Variants in TMEM62 observed in about 807,000 individuals in gnomAD.
TMEM62 encodes the protein transmembrane protein 62.
TMEM62 carries 41 observed loss-of-function variants against 70.4 expected under a neutral mutation model. The observed-to-expected ratio is 0.58, with a 90% CI of 0.45 to 0.76. The LOEUF (loss-of-function observed/expected upper bound fraction) is 0.76, where lower values mean the gene tolerates loss of function less well. Among genes scored for constraint, TMEM62 ranks in the 30% least tolerant of loss-of-function variants. The probability of loss-of-function intolerance (pLI) is 0.00; values close to 1 mark genes in which losing one functional copy is unlikely to be tolerated. For missense variants in TMEM62, 688 were observed against 788.5 expected (o/e 0.87, Z 1.53); for synonymous variants, 268 against 291.0 (o/e 0.92, Z 0.80).
chr15:43,158,688 GA>G (rs575477578), intron 9 of TMEM62, among the ~76,000 whole-genome samples: 99 of 152,088 alleles, frequency 6.5e-4, no homozygotes, highest in African/African-American at 2.3e-3. Flanking sequence ...GTCCTATGAA[GA>G]AAAAAATTAT....
intron 11 of TMEM62, chr15:43,169,901 A>G (rs2040007228): frequency 2.4e-6 from 1 of 421,106 alleles, no homozygotes; most frequent in African/African-American, 2.0e-5. Flanking sequence ...ATAAAGCAAT[A>G]CATGGAAGGT....
intron 10 of TMEM62, among the ~76,000 whole-genome samples, chr15:43,165,411 T>A (rs1046944330): frequency 1.3e-5 from 2 of 152,326 alleles, no homozygotes; most frequent in African/African-American, 2.4e-5. Flanking sequence ...TTTGATTTTT[T>A]AAAATTATTG....
chr15:43,152,234 C>T (rs760185986), intron 8 of TMEM62, among the ~76,000 whole-genome samples: 60 of 152,050 alleles, frequency 3.9e-4, no homozygotes, highest in Non-Finnish European at 6.6e-4. Flanking sequence ...TTTTACATTG[C>T]TATAAGCATA....
rs185280287 is a variant in TMEM62 at position 43,166,561 on chromosome 15, T to C, written c.1297-3032T>C. Among the ~76,000 whole-genome samples, 1,374 of 151,920 alleles carry C rather than the reference T, an allele frequency of 9.0e-3. 23 individuals are homozygous for C. Among genetic ancestry groups the C allele is most frequent in the African/African-American group, 0.031 (1,291 of 41,436 alleles). On this transcript the variant is annotated intron_variant, in intron 10 of 13. Coordinates refer to ENST00000260403, the MANE Select transcript of TMEM62 (RefSeq NM_024956.4). ...CTTGTTCTCCTTGAGGTTTTTCTTT[T>C]TTTTTTTTTTTTTATTGATCATTCT...
chr15:43,179,120 C>T (rs968872578), intron 12 of TMEM62, among the ~76,000 whole-genome samples: 2 of 152,058 alleles, frequency 1.3e-5, no homozygotes, highest in African/African-American at 2.4e-5. Flanking sequence ...CACTGGTAGG[C>T]GGGTACGGTG....
intron 10 of TMEM62, among the ~76,000 whole-genome samples, chr15:43,163,847 C>G (rs1049313684): frequency 1.3e-5 from 2 of 152,028 alleles, no homozygotes; most frequent in African/African-American, 2.4e-5. Flanking sequence ...GACTGAGATT[C>G]TGCATTCCTA....
At chr15:43,178,484 T>C (rs112447918) in intron 11 of TMEM62, 123 bp from the exon 12 acceptor site, 11 of 615,608 alleles carry the variant, frequency 1.8e-5, no homozygotes, top group African/African-American at 5.6e-5. Context: ...TCTGTATAGT[T>C]ACCATCTAAC....
At chr15:43,163,086 G>A (rs1174397419) in intron 10 of TMEM62, among the ~76,000 whole-genome samples, 1 of 150,820 alleles carries the variant, frequency 6.6e-6, no homozygotes, top group African/African-American at 2.4e-5. Flanking sequence ...TATTTTTTTA[G>A]TTTTTAATAT....
At chr15:43,139,213 T>G (rs922491666) in intron 4 of TMEM62, among the ~76,000 whole-genome samples, 4 of 152,218 alleles carry the variant, frequency 2.6e-5, no homozygotes, top group African/African-American at 9.6e-5. Context: ...GTTACTATTG[T>G]AATTGTTTTG....
chr15:43,168,017 G>C (rs969585775), intron 10 of TMEM62, among the ~76,000 whole-genome samples: 7 of 150,348 alleles, frequency 4.7e-5, no homozygotes, highest in African/African-American at 1.8e-4. Context: ...GCAGGCACTC[G>C]GCAGGCTGAG....
Position 43,160,873 on chromosome 15 carries a change from A to G in TMEM62, c.1296+79A>G, listed in dbSNP as rs1596295136. The G allele has an allele frequency of 7.2e-6, 5 of 699,054 alleles. No individual in the cohort carries two copies. The Admixed American group carries it at 1.1e-4, about 16-fold the overall frequency. 43.3% of individuals were successfully genotyped at this position (699,054 alleles called of 1,614,324 possible). A position where few individuals can be genotyped will look rare whatever the true frequency, so the allele number is the denominator to read the frequency against. On this transcript the variant is annotated intron_variant, in intron 10 of 13. Coordinates refer to ENST00000260403, the MANE Select transcript of TMEM62 (RefSeq NM_024956.4). ...ATACAGTAGTCCTCCCTTATCCATG[A>G]TTTCACTTTCCATGGTTTCAGTTAC...
Position 43,148,762 on chromosome 15 carries a change from T to A in TMEM62, c.626T>A (p.Met209Lys), listed in dbSNP as rs1567192283. 1 of 1,613,074 alleles carries A rather than the reference T, an allele frequency of 6.2e-7. No individual in the cohort carries two copies. The highest frequency in any genetic ancestry group is 1.1e-5 in the South Asian group (1 of 90,754). Reference protein sequence around the residue: ...NFFGILDKKKMEELLLLAKES... With the variant: ...NFFGILDKKKKEELLLLAKES... ...ATTTTTCTCCCATCTCAGAAAAAGA[T>A]GGAGGAGCTCTTATTACTGGCCAAG... is the stretch of plus-strand genomic sequence containing the variant. The change falls in exon 6 of 14, where the codon ATG becomes AAG. Residue 209 changes from methionine (M) to lysine (K), a missense_variant. Transcript: ENST00000260403.
chr15:43,169,768 A>G lies in TMEM62; in HGVS notation c.1381+91A>G, dbSNP rs796402379. 6 of 1,077,012 alleles carry G rather than the reference A, an allele frequency of 5.6e-6. No homozygotes were observed. In the African/African-American group the frequency reaches 6.3e-5, roughly 11 times the overall value. 66.7% of individuals were successfully genotyped at this position (1,077,012 alleles called of 1,614,324 possible). On this transcript the variant is annotated intron_variant, in intron 11 of 13. Coordinates refer to ENST00000260403, the MANE Select transcript of TMEM62 (RefSeq NM_024956.4). ...TTTTAAAGAGGTTTATTCTAAGCCA[A>G]TATGAATGACCATGGCCCAGGGAAA... is the stretch of plus-strand genomic sequence containing the variant.
chr15:43,138,925 T>G (rs756732209), intron 4 of TMEM62, among the ~76,000 whole-genome samples: 1 of 152,330 alleles, frequency 6.6e-6, no homozygotes, highest in Admixed American at 6.5e-5. Flanking sequence ...GACAGATGCA[T>G]TTCTTTTTGT....
intron 12 of TMEM62, among the ~76,000 whole-genome samples, chr15:43,179,315 C>T (rs1373162058): frequency 6.6e-6 from 1 of 152,148 alleles, no homozygotes; most frequent in Non-Finnish European, 1.5e-5. Context: ...TAATGTGTGG[C>T]TCTCAAAAAT....
chr15:43,182,755 C>T (rs1322261319), intron 13 of TMEM62, among the ~76,000 whole-genome samples: 1 of 152,144 alleles, frequency 6.6e-6, no homozygotes, highest in East Asian at 1.9e-4. Flanking sequence ...CACCCAGCCT[C>T]ATTGCAGTTT....
In TMEM62 at chr15:43,169,452, G is replaced by A. The variant is rs575978685; in HGVS notation, c.1297-141G>A. ...AGGATTTTAGGAGCTCTGACCAGTGGGGACAAAGACCAAAATATGTATTTC... is the reference window on the plus strand; with the variant it reads ...AGGATTTTAGGAGCTCTGACCAGTGAGGACAAAGACCAAAATATGTATTTC... On this transcript the variant is annotated intron_variant, in intron 10 of 13. Coordinates refer to ENST00000260403, the MANE Select transcript of TMEM62 (RefSeq NM_024956.4). The A allele has an allele frequency of 1.2e-5, 8 of 657,650 alleles. No individual in the cohort carries two copies. The African/African-American group carries it at 1.3e-4, about 10-fold the overall frequency. The allele number at this position is 657,650 out of a possible 1,614,324, so 40.7% of individuals were successfully genotyped here. A position where few individuals can be genotyped will look rare whatever the true frequency, so the allele number is the denominator to read the frequency against.
Position 43,169,688 on chromosome 15 carries a change from G to T in TMEM62, c.1381+11G>T, listed in dbSNP as rs1470177872. 1 of 1,607,254 alleles carries T rather than the reference G, an allele frequency of 6.2e-7. No homozygotes were observed. The highest frequency in any genetic ancestry group is 2.2e-5 in the East Asian group (1 of 44,854). On this transcript the variant is annotated intron_variant, in intron 11 of 13. Transcript: ENST00000260403. ...ACCCAGAGCTTAAAGGTTAGTTATG[G>T]TTCCTTTTATTCCTATAAGCCTTGT...
chr15:43,149,195 T>C, intron 7 of TMEM62, 44 bp downstream of exon 7: 1 of 1,595,416 alleles, frequency 6.3e-7, no homozygotes, highest in Non-Finnish European at 8.5e-7. Context: ...CACATAAGTT[T>C]TGCCAAAGCA....
Sources: gnomAD v4.1 joint callset for allele counts (sites outside exome capture counted in the v4.1 genomes callset) on GRCh38, gnomAD v4.1.1 for gene constraint, MANE v1.5 for transcripts, NCBI Gene and HGNC (gene_info 2026-07-23, HGNC 2026-07-21) for gene names.